Variants in ADCK1 observed in about 807,000 individuals in gnomAD.
The protein encoded by ADCK1 is aarF domain-containing protein kinase 1.
ADCK1 carries 41 observed loss-of-function variants against 52.3 expected under a neutral mutation model. The observed-to-expected ratio is 0.78, with a 90% CI of 0.61 to 1.02. The LOEUF is 1.02. Ranked by LOEUF, ADCK1 falls within the 50% of genes least tolerant of loss-of-function variation. The pLI is 0.00. For synonymous variants in ADCK1, 250 were observed against 274.6 expected (o/e 0.91, Z 0.89); for missense variants, 658 against 679.5 (o/e 0.97, Z 0.35).
At chr14:77,850,208 A>G (rs558301131) in intron 3 of ADCK1, among the ~76,000 whole-genome samples, 50 of 98,184 alleles carry the variant, frequency 5.1e-4, no homozygotes, top group African/African-American at 1.7e-3. Context: ...CCTTGTCTCA[A>G]AAAACAAACA....
chr14:77,846,160 G>A (rs866288741), intron 3 of ADCK1, among the ~76,000 whole-genome samples: 9 of 152,154 alleles, frequency 5.9e-5, no homozygotes, highest in South Asian at 4.2e-4. Flanking sequence ...ATCTCCTTCC[G>A]ACCATCTCTG....
intron 9 of ADCK1, among the ~76,000 whole-genome samples, chr14:77,929,169 C>G (rs977366431): frequency 6.6e-6 from 1 of 152,208 alleles, no homozygotes; most frequent in South Asian, 2.1e-4. Flanking sequence ...GAGCCCTGCT[C>G]TCATTGAGGA....
At chr14:77,819,245 C>G (rs2081531058) in intron 2 of ADCK1, 132 bp downstream of exon 2, 1 of 1,284,108 alleles carries the variant, frequency 7.8e-7, no homozygotes. Context: ...GCAAAAGCTA[C>G]ATCTGCACAG....
At chr14:77,815,386 T>C (rs182381340) in intron 1 of ADCK1, among the ~76,000 whole-genome samples, 2 of 151,944 alleles carry the variant, frequency 1.3e-5, no homozygotes, top group East Asian at 1.9e-4. Flanking sequence ...TTTAAATTTT[T>C]TGTAGAGATG....
intron 1 of ADCK1, among the ~76,000 whole-genome samples, chr14:77,815,041 A>G (rs1184570702): frequency 2.7e-5 from 4 of 147,006 alleles, no homozygotes; most frequent in Admixed American, 6.8e-5. Context: ...GGCACGTGAC[A>G]CCACGCCCAG....
chr14:77,809,338 A>AT (rs2081290049), intron 1 of ADCK1, among the ~76,000 whole-genome samples: 1 of 152,068 alleles, frequency 6.6e-6, no homozygotes, highest in South Asian at 2.1e-4. Flanking sequence ...TTAATACAAA[A>AT]AATTTTTTGA....
At chr14:77,850,365 ATT>A (rs1163595931) in intron 3 of ADCK1, among the ~76,000 whole-genome samples, 1 of 152,002 alleles carries the variant, frequency 6.6e-6, no homozygotes, top group Admixed American at 6.6e-5. Flanking sequence ...TTTTCTATCT[ATT>A]TGTTATATCA....
At chr14:77,876,771 AC>A (rs1331794283) in intron 4 of ADCK1, among the ~76,000 whole-genome samples, 3 of 151,882 alleles carry the variant, frequency 2.0e-5, no homozygotes, top group South Asian at 2.1e-4. Flanking sequence ...GTTGACTGCC[AC>A]CCCCCGACCT....
chr14:77,835,416 C>A (rs2081940312), intron 3 of ADCK1, among the ~76,000 whole-genome samples: 1 of 152,170 alleles, frequency 6.6e-6, no homozygotes, highest in Non-Finnish European at 1.5e-5. Context: ...ATTTTGGATT[C>A]ATTGTTTATC....
chr14:77,918,034 T>C (rs2083965881), intron 7 of ADCK1, among the ~76,000 whole-genome samples: 1 of 152,202 alleles, frequency 6.6e-6, no homozygotes, highest in Non-Finnish European at 1.5e-5. Context: ...TTCACCTGTT[T>C]AATGCAGAGG....
At chr14:77,913,485 C>T (rs2083843943) in intron 7 of ADCK1, among the ~76,000 whole-genome samples, 1 of 152,202 alleles carries the variant, frequency 6.6e-6, no homozygotes, top group Non-Finnish European at 1.5e-5. Context: ...TCATATTTGC[C>T]AGTCACTTTA....
At chr14:77,809,185 G>A (rs1363636611) in intron 1 of ADCK1, among the ~76,000 whole-genome samples, 1 of 152,134 alleles carries the variant, frequency 6.6e-6, no homozygotes, top group Non-Finnish European at 1.5e-5. Context: ...AGAATGGTAT[G>A]AATACACTTG....
intron 6 of ADCK1, 68 bp downstream of exon 6, chr14:77,899,326 GC>G: frequency 1.9e-6 from 3 of 1,576,090 alleles, no homozygotes; most frequent in Non-Finnish European, 2.6e-6. Flanking sequence ...GTGGGTCCCT[GC>G]CTTGAGCATC....
At chr14:77,841,674 CAAAAAAA>C (rs71128696) in intron 3 of ADCK1, among the ~76,000 whole-genome samples, 9 of 74,276 alleles carry the variant, frequency 1.2e-4, no homozygotes, top group African/African-American at 5.1e-4. Flanking sequence ...ACTAAAAATA[CAAAAAAA>C]AAAAAAAAAA....
chr14:77,803,770 T>C (rs2081162395), intron 1 of ADCK1, among the ~76,000 whole-genome samples: 2 of 152,208 alleles, frequency 1.3e-5, no homozygotes, highest in Non-Finnish European at 2.9e-5. Context: ...TCAGAAATCA[T>C]AGTCTCTGCC....
At chr14:77,900,592 A>ACAG (rs1040141136) in intron 6 of ADCK1, 3 of 448,468 alleles carry the variant, frequency 6.7e-6, no homozygotes, top group Non-Finnish European at 9.0e-6. Context: ...GTCTCAAGGA[A>ACAG]CAACAACAAC....
chr14:77,828,509 C>G (rs1011739595), intron 3 of ADCK1, among the ~76,000 whole-genome samples: 1 of 152,102 alleles, frequency 6.6e-6, no homozygotes, highest in African/African-American at 2.4e-5. Flanking sequence ...TGAGAAAGAC[C>G]TTTCCGTTCT....
At chr14:77,852,678 T>A (rs1232212116) in intron 3 of ADCK1, among the ~76,000 whole-genome samples, 1,348 of 74,018 alleles carry the variant, frequency 0.018, 101 homozygotes, top group Admixed American at 0.11. Flanking sequence ...TATATATATA[T>A]ATATATATAT....
chr14:77,907,641 T>TG (rs1236530331), intron 6 of ADCK1, among the ~76,000 whole-genome samples, 162 bp from the exon 7 acceptor site: 3 of 152,226 alleles, frequency 2.0e-5, no homozygotes, highest in Non-Finnish European at 4.4e-5. Flanking sequence ...CCTCTTGGCC[T>TG]GGCTGTCCCA....
Sources: gnomAD v4.1 joint callset for allele counts (sites outside exome capture counted in the v4.1 genomes callset) on GRCh38, gnomAD v4.1.1 for gene constraint, MANE v1.5 for transcripts, NCBI Gene and HGNC (gene_info 2026-07-23, HGNC 2026-07-21) for gene names.